The following XKR9 variants were observed in gnomAD, a reference collection of about 807,000 sequenced individuals.
XKR9 encodes XK-related protein 9.
Under a neutral mutation model 32.0 loss-of-function variants are expected in XKR9, and 32 were observed. The observed-to-expected ratio is 1.00, with a 90% CI of 0.76 to 1.34. The LOEUF (loss-of-function observed/expected upper bound fraction) is 1.34. XKR9 is among the 40% of genes most tolerant of loss of function. The probability of loss-of-function intolerance (pLI) is 0.00; values close to 1 mark genes in which losing one functional copy is unlikely to be tolerated. For synonymous variants in XKR9, 168 were observed against 143.4 expected (o/e 1.17, Z -1.22); for missense variants, 546 against 429.7 (o/e 1.27, Z -2.39).
At chr8:70,761,367 A>G (rs544578838) in intron 2 of XKR9, among the ~76,000 whole-genome samples, 4 of 152,066 alleles carry the variant, frequency 2.6e-5, no homozygotes, top group Non-Finnish European at 5.9e-5. Flanking sequence ...CAGCCTCACC[A>G]GCATTTTTTT....
intron 4 of XKR9, among the ~76,000 whole-genome samples, chr8:70,708,476 T>C (rs1805798107): frequency 6.6e-6 from 1 of 152,066 alleles, no homozygotes; most frequent in South Asian, 2.1e-4. Context: ...GGTAAATAAA[T>C]TATTGTAGGT....
chr8:70,961,767 A>G, the XKR9 span, among the ~76,000 whole-genome samples: 4 of 152,114 alleles, frequency 2.6e-5, no homozygotes, highest in African/African-American at 9.7e-5. Context: ...TAAATACATA[A>G]ATTTCACTGA....
Position 70,728,543 on chromosome 8 carries a change from A to C in XKR9, c.494-5253A>C, listed in dbSNP as rs1003753054. 9.3e-4 allele frequency among the ~76,000 whole-genome samples: 142 copies of C among 152,326 alleles called. 1 individual carries two copies. Among genetic ancestry groups the C allele is most frequent in the African/African-American group, 3.3e-3 (137 of 41,574 alleles). On this transcript the variant is annotated intron_variant, in intron 4 of 4. Coordinates refer to ENST00000408926, the MANE Select transcript of XKR9 (RefSeq NM_001011720.2). ...CTCTAGGACAAGGAGTGCAGTTCCCAGTTTTAAAAGTAAAAATCTGAGAGC... is the reference window on the plus strand; with the variant it reads ...CTCTAGGACAAGGAGTGCAGTTCCCCGTTTTAAAAGTAAAAATCTGAGAGC...
the XKR9 span, among the ~76,000 whole-genome samples, chr8:70,956,443 G>C: frequency 2.0e-5 from 3 of 152,136 alleles, no homozygotes; most frequent in Admixed American, 2.0e-4. Flanking sequence ...CCAATTGGCC[G>C]AACTGTCATC....
chr8:70,879,256 C>G, the XKR9 span, among the ~76,000 whole-genome samples: 1 of 151,942 alleles, frequency 6.6e-6, no homozygotes, highest in South Asian at 2.1e-4. Flanking sequence ...ACTAGAGAAG[C>G]AAGAGCAAAC....
chr8:71,013,303 G>A, the XKR9 span, among the ~76,000 whole-genome samples: 1 of 152,284 alleles, frequency 6.6e-6, no homozygotes, highest in African/African-American at 2.4e-5. Context: ...TGAATGGCTG[G>A]TGAAGAGTAG....
chr8:70,895,965 A>G, the XKR9 span, among the ~76,000 whole-genome samples: 1 of 152,114 alleles, frequency 6.6e-6, no homozygotes, highest in African/African-American at 2.4e-5. Context: ...CTGAGATCGC[A>G]CCACTGCAAT....
the XKR9 span, among the ~76,000 whole-genome samples, chr8:70,866,731 C>A: frequency 6.6e-6 from 1 of 151,764 alleles, no homozygotes; most frequent in Non-Finnish European, 1.5e-5. Context: ...AGTCATCACC[C>A]CCCTTGGCCT....
At chr8:71,046,021 AAAG>A in the XKR9 span, among the ~76,000 whole-genome samples, 1 of 152,122 alleles carries the variant, frequency 6.6e-6, no homozygotes, top group Admixed American at 6.5e-5. Flanking sequence ...GCATAAAACT[AAAG>A]AAGAAGCAGT....
chr8:70,790,270 C>G (rs1475999686), exon 4 of XKR9: 2 of 151,966 alleles, frequency 1.3e-5, no homozygotes, highest in Non-Finnish European at 2.9e-5. Context: ...AGTGGGGGAA[C>G]AAGTTGAAAG....
chr8:70,921,724 G>A, the XKR9 span, among the ~76,000 whole-genome samples: 14 of 152,200 alleles, frequency 9.2e-5, no homozygotes, highest in East Asian at 5.8e-4. Flanking sequence ...ACAAAGGAGC[G>A]GCTGGCAGGC....
At chr8:70,796,091 G>T in the XKR9 span, among the ~76,000 whole-genome samples, 2 of 151,460 alleles carry the variant, frequency 1.3e-5, no homozygotes, top group Non-Finnish European at 2.9e-5. Context: ...ATGTTCAGGA[G>T]TACATGTGCA....
At chr8:70,792,503 T>C (rs1388395038), downstream of XKR9, among the ~76,000 whole-genome samples, 1 of 151,946 alleles carries the variant, frequency 6.6e-6, no homozygotes, top group Non-Finnish European at 1.5e-5. Flanking sequence ...GATGAATAAA[T>C]GAGGAAATCA....
the XKR9 span, among the ~76,000 whole-genome samples, chr8:70,990,976 T>C: frequency 1.3e-5 from 2 of 152,204 alleles, no homozygotes; most frequent in African/African-American, 4.8e-5. Context: ...CAATAGGTCT[T>C]TCACCTTCTT....
the XKR9 span, among the ~76,000 whole-genome samples, chr8:70,864,831 G>A: frequency 6.6e-6 from 1 of 152,154 alleles, no homozygotes; most frequent in Non-Finnish European, 1.5e-5. Context: ...ATTACCCAGG[G>A]TGGATGATCT....
In XKR9 at chr8:70,669,812, G is replaced by T. The variant is rs533869424; in HGVS notation, c.-361+274G>T. 4.6e-5 allele frequency among the ~76,000 whole-genome samples: 7 copies of T among 151,972 alleles called. No homozygotes were observed. The South Asian group carries it at 6.2e-4, about 14-fold the overall frequency. The stretch of plus-strand genomic sequence containing the variant: ...CTCCCGAGTAGCTGGGACTATAGGC[G>T]TCCGCCACCACGCCCGGCTAATTTT... On this transcript the variant is annotated intron_variant, in intron 1 of 4. Coordinates refer to ENST00000408926, the MANE Select transcript of XKR9 (RefSeq NM_001011720.2).
the XKR9 span, among the ~76,000 whole-genome samples, chr8:71,054,675 C>T: frequency 1.3e-5 from 2 of 152,148 alleles, no homozygotes; most frequent in Non-Finnish European, 2.9e-5. Flanking sequence ...TTTTAGGAAA[C>T]AGTTCATTAT....
chr8:70,830,050 G>A, the XKR9 span, among the ~76,000 whole-genome samples: 1 of 151,906 alleles, frequency 6.6e-6, no homozygotes, highest in Non-Finnish European at 1.5e-5. Flanking sequence ...ATTAATCTTT[G>A]TCATATTGGT....
the XKR9 span, among the ~76,000 whole-genome samples, chr8:70,992,699 C>T: frequency 6.6e-6 from 1 of 152,218 alleles, no homozygotes; most frequent in Non-Finnish European, 1.5e-5. Flanking sequence ...GTAACAAGTT[C>T]TGTCTTCAGA....
Sources: allele counts gnomAD v4.1 joint callset (sites outside exome capture counted in the v4.1 genomes callset), GRCh38; gene constraint gnomAD v4.1.1; transcripts MANE v1.5; gene names NCBI Gene and HGNC (gene_info 2026-07-23, HGNC 2026-07-21).